Variants in PTPRD observed in about 807,000 individuals in gnomAD.
PTPRD encodes the protein protein tyrosine phosphatase receptor type D, also known as receptor-type tyrosine-protein phosphatase delta.
A neutral mutation model predicts 214.5 loss-of-function variants in PTPRD; 34 were observed. That is an observed-to-expected ratio of 0.16 (90% CI 0.12 to 0.21). The LOEUF (loss-of-function observed/expected upper bound fraction) is 0.21, where lower values mean the gene tolerates loss of function less well. PTPRD is among the 10% of genes least tolerant of loss of function. The pLI is 1.00. For missense variants in PTPRD, 2,545 were observed against 2,398.7 expected (o/e 1.06, Z -1.27); for synonymous variants, 1,128 against 845.7 (o/e 1.33, Z -5.79).
intron 5 of PTPRD, among the ~76,000 whole-genome samples, chr9:9,859,914 T>C (rs1423708788): frequency 2.0e-5 from 3 of 152,184 alleles, no homozygotes; most frequent in East Asian, 1.9e-4. Flanking sequence ...GTCAACAGTA[T>C]AGAAAAATTG....
chr9:9,132,082 A>G (rs985924376), intron 10 of PTPRD, among the ~76,000 whole-genome samples: 2 of 152,152 alleles, frequency 1.3e-5, no homozygotes, highest in Non-Finnish European at 2.9e-5. Context: ...ATCTAGGCTC[A>G]CTGTAAGCTC....
chr9:8,711,373 C>T lies in PTPRD; in HGVS notation c.64+22407G>A, dbSNP rs117927477. On this transcript the variant is annotated intron_variant, in intron 12 of 45. Transcript: ENST00000381196. ...TATTATAAATATATTTCTATCATGA[C>T]TACTTAAACCTCAATAAATGTACCT... 9.4e-3 allele frequency among the ~76,000 whole-genome samples: 1,436 copies of T among 152,104 alleles called. 14 individuals are homozygous for T. Among genetic ancestry groups the T allele is most frequent in the Middle Eastern group, 0.059 (17 of 290 alleles).
At position 8,331,671 on chromosome 9, in the gene PTPRD, C is replaced by G. The variant is rs2131644362; in HGVS notation, c.5445G>C (p.Lys1815Asn). 1 of 1,613,792 alleles carries G rather than the reference C, an allele frequency of 6.2e-7. No homozygotes were observed. The highest frequency in any genetic ancestry group is 8.5e-7 in the Non-Finnish European group (1 of 1,179,896). The change falls in exon 44 of 46, where the codon AAG becomes AAC. Residue 1815 changes from lysine to asparagine, a missense_variant. Lys to Asn is a moderately conservative substitution (Grantham distance 94, BLOSUM62 0). Coordinates refer to ENST00000381196, the MANE Select transcript of PTPRD (RefSeq NM_002839.4). ...FTDWPEQGVPKSGEGFIDFIG... is the reference protein window; with the variant it reads ...FTDWPEQGVPNSGEGFIDFIG... Reference sequence around the variant, plus strand: ...TGAAGTCAATAAATCCTTCTCCGGACTTTGGCACTCCTTGCTCTGGCCAGT... The same window carrying G: ...TGAAGTCAATAAATCCTTCTCCGGAGTTTGGCACTCCTTGCTCTGGCCAGT...
chr9:10,118,196 T>TTTATCTATC (rs144727497), intron 3 of PTPRD, among the ~76,000 whole-genome samples: 2 of 148,932 alleles, frequency 1.3e-5, no homozygotes, highest in Middle Eastern at 3.5e-3. Flanking sequence ...CTCACATTTA[T>TTTATCTATC]TATCTATCTA....
intron 9 of PTPRD, among the ~76,000 whole-genome samples, chr9:9,372,132 C>T (rs1316735613): frequency 6.6e-6 from 1 of 152,060 alleles, no homozygotes; most frequent in African/African-American, 2.4e-5. Context: ...ATTAGGTCCG[C>T]TTGGTGCAGA....
intron 3 of PTPRD, among the ~76,000 whole-genome samples, chr9:10,212,800 C>G (rs1167002617): frequency 6.6e-6 from 1 of 152,108 alleles, no homozygotes; most frequent in Non-Finnish European, 1.5e-5. Context: ...AGGTTTCACC[C>G]ACAGAATCAA....
At chr9:9,605,305 T>C (rs774807634) in intron 7 of PTPRD, among the ~76,000 whole-genome samples, 4 of 152,076 alleles carry the variant, frequency 2.6e-5, no homozygotes, top group Admixed American at 1.3e-4. Context: ...TTAGTATATG[T>C]GGTCCACTTT....
intron 9 of PTPRD, among the ~76,000 whole-genome samples, chr9:9,271,725 C>G (rs1351468709): frequency 6.6e-6 from 1 of 151,180 alleles, no homozygotes; most frequent in Non-Finnish European, 1.5e-5. Context: ...CCTTCTCAAT[C>G]TGTGAAAATG....
chr9:8,510,271 G>A (rs1241194919), intron 21 of PTPRD, among the ~76,000 whole-genome samples: 2 of 152,092 alleles, frequency 1.3e-5, no homozygotes, highest in African/African-American at 2.4e-5. Context: ...CACCCTGGAT[G>A]ACAGAGTGAG....
chr9:9,660,254 T>G (rs1449919044), intron 7 of PTPRD, among the ~76,000 whole-genome samples: 1 of 151,712 alleles, frequency 6.6e-6, no homozygotes, highest in African/African-American at 2.4e-5. Context: ...CCTTTGGAGG[T>G]TGAGAGTGGA....
intron 3 of PTPRD, among the ~76,000 whole-genome samples, chr9:10,214,879 C>T (rs559771866): frequency 6.6e-6 from 1 of 152,070 alleles, no homozygotes; most frequent in Admixed American, 6.6e-5. Context: ...ATGAATGGGC[C>T]CTGAATCCTC....
chr9:9,541,351 T>A (rs779084966), intron 8 of PTPRD, among the ~76,000 whole-genome samples: 17 of 151,664 alleles, frequency 1.1e-4, no homozygotes, highest in Non-Finnish European at 2.4e-4. Context: ...CTCTGGAAGA[T>A]GAAACACCAT....
chr9:9,004,888 T>G (rs868250118), intron 11 of PTPRD, among the ~76,000 whole-genome samples: 1 of 152,060 alleles, frequency 6.6e-6, no homozygotes. Flanking sequence ...AAACTGGGCT[T>G]ATTTTCAGTG....
chr9:9,546,678 G>C (rs1258299436), intron 8 of PTPRD, among the ~76,000 whole-genome samples: 1 of 151,682 alleles, frequency 6.6e-6, no homozygotes, highest in African/African-American at 2.4e-5. Context: ...TAGATTCTGT[G>C]TTTATAGTAA....
At chr9:8,388,276 C>A (rs1284863320) in intron 37 of PTPRD, among the ~76,000 whole-genome samples, 1 of 152,166 alleles carries the variant, frequency 6.6e-6, no homozygotes, top group Non-Finnish European at 1.5e-5. Flanking sequence ...TACAGAACCT[C>A]AACTTTCACA....
chr9:8,452,515 G>C (rs528297103), intron 33 of PTPRD, among the ~76,000 whole-genome samples: 1 of 152,224 alleles, frequency 6.6e-6, no homozygotes, highest in Non-Finnish European at 1.5e-5. Flanking sequence ...AAATTTCAGA[G>C]GTCTCATCAT....
chr9:8,566,988 C>A (rs1187933716), intron 14 of PTPRD, among the ~76,000 whole-genome samples: 2 of 152,116 alleles, frequency 1.3e-5, no homozygotes, highest in Non-Finnish European at 2.9e-5. Flanking sequence ...ATGTTTCTTA[C>A]ATCTCTCCTC....
intron 11 of PTPRD, among the ~76,000 whole-genome samples, chr9:8,795,126 A>C (rs2096371426): frequency 6.6e-6 from 1 of 152,144 alleles, no homozygotes; most frequent in African/African-American, 2.4e-5. Flanking sequence ...AAATGGGAAA[A>C]CATTAGTATC....
chr9:8,384,735 A>C (rs1325257717), intron 37 of PTPRD, among the ~76,000 whole-genome samples: 3 of 152,120 alleles, frequency 2.0e-5, no homozygotes, highest in Non-Finnish European at 4.4e-5. Context: ...CTTGTTGGTC[A>C]CGCTGGTCTC....
Sources: allele counts gnomAD v4.1 joint callset (sites outside exome capture counted in the v4.1 genomes callset), GRCh38; gene constraint gnomAD v4.1.1; transcripts MANE v1.5; gene names NCBI Gene and HGNC (gene_info 2026-07-23, HGNC 2026-07-21).